INCA1: variants seen among roughly 807,000 people sequenced by gnomAD.
INCA1 encodes protein INCA1.
In INCA1, 28 loss-of-function variants were observed where a neutral mutation model predicts 25.7. That is an observed-to-expected ratio of 1.09 (90% CI 0.81 to 1.49). The LOEUF is 1.49. Among genes scored for constraint, INCA1 ranks in the 40% most tolerant of loss-of-function variants. INCA1 has a pLI of 0.00. For synonymous variants in INCA1, 111 were observed against 103.6 expected, an observed-to-expected ratio of 1.07 and a Z score of -0.43; for missense variants, 309 against 290.9, an observed-to-expected ratio of 1.06 and a Z score of -0.45.
At chr17:4,988,345 G>T in exon 7 of INCA1, 1 of 1,518,978 alleles carries the variant, frequency 6.6e-7, no homozygotes, top group Non-Finnish European at 8.8e-7. Context: ...TGACTCTAGT[G>T]ACGGAACTAG....
intron 2 of INCA1, among the ~76,000 whole-genome samples, chr17:4,992,096 AG>A (rs918612285): frequency 6.6e-5 from 10 of 152,208 alleles, no homozygotes; most frequent in Admixed American, 3.9e-4. Flanking sequence ...ATGGGTATAG[AG>A]ATGAAAAGAT....
At chr17:4,991,253 G>A (rs1316095784) in intron 2 of INCA1, among the ~76,000 whole-genome samples, 2 of 152,160 alleles carry the variant, frequency 1.3e-5, no homozygotes, top group African/African-American at 2.4e-5. Flanking sequence ...ATGAATTTGT[G>A]TTGGACTGCT....
At chr17:4,995,424 G>A (rs1328629456) in intron 1 of INCA1, among the ~76,000 whole-genome samples, 1 of 152,180 alleles carries the variant, frequency 6.6e-6, no homozygotes, top group Non-Finnish European at 1.5e-5. Flanking sequence ...AGACTGGGTG[G>A]GGTGGAGGCA....
chr17:4,988,180 G>A, downstream of INCA1: 1 of 462,114 alleles, frequency 2.2e-6, no homozygotes. Context: ...AAGGCCAGGA[G>A]CGGGGCCTGG....
chr17:4,988,304 A>G, exon 7 of INCA1: 1 of 1,326,590 alleles, frequency 7.5e-7, no homozygotes, highest in East Asian at 2.5e-5. Flanking sequence ...AGACGAAGGA[A>G]GGGGAAACGC....
At chr17:4,994,549 T>C (rs1051439644) in intron 1 of INCA1, 74 bp from the exon 2 acceptor site, 8 of 1,183,062 alleles carry the variant, frequency 6.8e-6, no homozygotes, top group African/African-American at 3.0e-5. Flanking sequence ...CCCAGTACTT[T>C]TGGAGGCCAA....
At chr17:4,990,454 G>A (rs906747571) in intron 2 of INCA1, among the ~76,000 whole-genome samples, 189 bp from the exon 3 acceptor site, 25 of 152,258 alleles carry the variant, frequency 1.6e-4, no homozygotes, top group African/African-American at 5.8e-4. Flanking sequence ...ATTGAAGCTG[G>A]GTTGAGGGTG....
intron 2 of INCA1, among the ~76,000 whole-genome samples, chr17:4,991,612 C>T (rs1973881025): frequency 1.3e-5 from 2 of 152,138 alleles, no homozygotes; most frequent in Non-Finnish European, 2.9e-5. Flanking sequence ...TTTATCTTCT[C>T]TGTCTTCATC....
exon 5 of INCA1, chr17:4,989,490 G>T: frequency 6.2e-7 from 1 of 1,614,158 alleles, no homozygotes. Context: ...CCCTCACCCG[G>T]GCGGGGACTC....
In INCA1 at chr17:4,988,888, C is replaced by T. The variant is rs777787783; in HGVS notation, c.452G>A (p.Gly151Asp). The T allele has an allele frequency of 5.0e-5, 81 of 1,614,128 alleles. No individual in the cohort carries two copies. In the South Asian group the frequency reaches 5.3e-4, roughly 11 times the overall value. ...GCTGGGGAATCCACAGCCCTCTTCG[C>T]CAAGCACCACTGGCTCAGATGCAGC... Residue 151 changes from glycine (G) to aspartate (D), a missense_variant, in exon 6 of 7, where the codon GGC becomes GAC. Transcript: ENST00000576820.
intron 1 of INCA1, among the ~76,000 whole-genome samples, chr17:4,996,421 A>G (rs1206359686): frequency 1.4e-5 from 2 of 145,768 alleles, no homozygotes; most frequent in African/African-American, 5.1e-5. Flanking sequence ...GTGGCTCAAG[A>G]CTGTAATCCC....
chr17:4,992,116 C>A (rs1840716958), intron 2 of INCA1, among the ~76,000 whole-genome samples: 1 of 152,100 alleles, frequency 6.6e-6, no homozygotes, highest in Non-Finnish European at 1.5e-5. Context: ...ATTATCCATA[C>A]AATGATAATT....
chr17:4,993,707 A>G (rs1193533158), intron 2 of INCA1, among the ~76,000 whole-genome samples: 1 of 148,220 alleles, frequency 6.7e-6, no homozygotes, highest in African/African-American at 2.5e-5. Flanking sequence ...TGACCTCGTG[A>G]TCCACCCACC....
At chr17:4,990,065 G>A in intron 3 of INCA1, 87 bp downstream of exon 3, 1 of 1,610,600 alleles carries the variant, frequency 6.2e-7, no homozygotes. Context: ...ATTAACCGCA[G>A]ACTAGGGCCT....
exon 7 of INCA1, chr17:4,988,536 T>C: frequency 6.2e-7 from 1 of 1,611,922 alleles, no homozygotes; most frequent in Non-Finnish European, 8.5e-7. Context: ...TCCAGGGGGC[T>C]CCAGGGAGAC....
chr17:4,990,807 C>T (rs1007372078), intron 2 of INCA1, among the ~76,000 whole-genome samples: 9 of 150,500 alleles, frequency 6.0e-5, no homozygotes, highest in African/African-American at 9.8e-5. Context: ...CACTTGAACC[C>T]GGGAGGAGGA....
At chr17:4,996,498 A>G (rs1290068413) in intron 1 of INCA1, among the ~76,000 whole-genome samples, 2 of 151,596 alleles carry the variant, frequency 1.3e-5, no homozygotes, top group African/African-American at 4.9e-5. Flanking sequence ...CCTGGCCAAC[A>G]CAGCGAAACC....
chr17:4,991,293 A>G (rs538263160), intron 2 of INCA1, among the ~76,000 whole-genome samples: 44 of 152,276 alleles, frequency 2.9e-4, no homozygotes, highest in Non-Finnish European at 4.7e-4. Context: ...CAGGTTGGAC[A>G]AGCTTGCTTT....
rs35732129 is a variant in INCA1, at chr17:4,996,666, CAAAAAAAAAAA to C, written c.-39+326_-39+336del. Among the ~76,000 whole-genome samples the C allele has an allele frequency of 2.1e-4, 11 of 51,800 alleles. 1 individual carries two copies. The highest frequency in any genetic ancestry group is 8.5e-4 in the African/African-American group (8 of 9,414). 34.0% of individuals were successfully genotyped at this position (51,800 alleles called of 152,430 possible). On this transcript the variant is annotated intron_variant, in intron 1 of 6. Transcript: ENST00000576820. ...TGGGCAACAGAGCAAGACTCCGTCT[CAAAAAAAAAAA>C]AAAAAAAAAAAAAAGAATACTAGAT...
Sources: gnomAD v4.1 joint callset for allele counts (sites outside exome capture counted in the v4.1 genomes callset) on GRCh38, gnomAD v4.1.1 for gene constraint, MANE v1.5 for transcripts, NCBI Gene and HGNC (gene_info 2026-07-23, HGNC 2026-07-21) for gene names.